The following SPARC variants were observed in gnomAD, a reference collection of about 807,000 sequenced individuals.
The protein encoded by SPARC is secreted protein acidic and cysteine rich, also known as basement-membrane protein 40.
In SPARC, 23 loss-of-function variants were observed where a neutral mutation model predicts 37.7. The observed-to-expected ratio is 0.61, with a 90% CI of 0.44 to 0.87. The LOEUF is 0.87. SPARC is among the 40% of genes least tolerant of loss of function. SPARC has a pLI of 0.00. For synonymous variants in SPARC, 155 were observed against 150.8 expected (o/e 1.03, Z -0.20); for missense variants, 312 against 389.0 (o/e 0.80, Z 1.66).
chr5:151,668,373 G>A (rs1760677212), intron 6 of SPARC, among the ~76,000 whole-genome samples: 1 of 152,070 alleles, frequency 6.6e-6, no homozygotes, highest in African/African-American at 2.4e-5. Flanking sequence ...GACTGGTCTC[G>A]AACTCCTGAG....
chr5:151,671,797 C>T (rs1029479289), intron 4 of SPARC, 103 bp from the exon 5 acceptor site: 1 of 1,513,848 alleles, frequency 6.6e-7, no homozygotes, highest in South Asian at 1.3e-5. Context: ...GACTGTGGCC[C>T]CCACTCTGGG....
intron 1 of SPARC, among the ~76,000 whole-genome samples, chr5:151,678,230 G>A (rs942314736): frequency 6.6e-6 from 1 of 152,172 alleles, no homozygotes; most frequent in Non-Finnish European, 1.5e-5. Context: ...AATGTAGTAA[G>A]CTTCAGATTA....
chr5:151,675,228 C>T lies in SPARC; in HGVS notation c.58-554G>A, dbSNP rs548594737. On this transcript the variant is annotated intron_variant, in intron 2 of 9. Transcript: ENST00000231061. The stretch of plus-strand genomic sequence containing the variant: ...TTTGAGAAACTTTTGCCTCCATCTA[C>T]CAGCCTGATCAAGATTGCCAGGGTC... 2.6e-4 allele frequency among the ~76,000 whole-genome samples: 40 copies of T among 152,302 alleles called. No homozygotes were observed. In the South Asian group the frequency reaches 8.1e-3, roughly 31 times the overall value.
intron 1 of SPARC, among the ~76,000 whole-genome samples, chr5:151,678,454 G>A (rs978543180): frequency 3.9e-5 from 6 of 152,164 alleles, no homozygotes; most frequent in African/African-American, 1.4e-4. Context: ...ATAACTCTAA[G>A]TCTTATAGTG....
At chr5:151,672,993 G>A (rs747344252) in intron 4 of SPARC, 136 bp downstream of exon 4, 53 of 706,364 alleles carry the variant, frequency 7.5e-5, no homozygotes, top group Non-Finnish European at 1.2e-4. Context: ...AGTCAAAGCC[G>A]TGTTTCCTTC....
chr5:151,668,306 C>T (rs1187180448), intron 6 of SPARC, among the ~76,000 whole-genome samples: 2 of 152,070 alleles, frequency 1.3e-5, no homozygotes, highest in Admixed American at 6.5e-5. Flanking sequence ...GCACATGCCA[C>T]CATACCCAGC....
Position 151,666,505 on chromosome 5 carries a change from T to C in SPARC, c.590A>G (p.Lys197Arg). ...GCGCTTCTCATTCTCATGGATCTTC[T>C]TCACCTGAGGGAGTAGAGACTGTGT... ...LLTEKQKLRVKKIHENEKRLE... is the reference protein window; with the variant it reads ...LLTEKQKLRVRKIHENEKRLE... The change falls in exon 8 of 10, where the codon AAG becomes AGG. Residue 197 changes from lysine (K) to arginine (R), a missense_variant. Physicochemically the swap from Lys to Arg is conservative, Grantham distance 26 (BLOSUM62 2). Coordinates refer to ENST00000231061, the MANE Select transcript of SPARC (RefSeq NM_003118.4). The C allele has an allele frequency of 6.2e-7, 1 of 1,613,932 alleles. No individual in the cohort carries two copies. Among genetic ancestry groups the C allele is most frequent in the Non-Finnish European group, 8.5e-7 (1 of 1,179,898 alleles).
rs973161844 is a variant in SPARC at position 151,662,791 on chromosome 5, CCT to C, written c.*778_*779del. The C allele has an allele frequency of 5.3e-5, 8 of 152,198 alleles. No homozygotes were observed. The highest frequency in any genetic ancestry group is 1.9e-4 in the African/African-American group (8 of 41,438). The allele number at this position is 152,198 out of a possible 1,614,324, so 9.4% of individuals were successfully genotyped here. ...AAACAGCCTGGCAGTCCCTAGAGCCCCTGAGAAGAGCCCTGGTTCTCCAAAAG... is the reference window on the plus strand; with the variant it reads ...AAACAGCCTGGCAGTCCCTAGAGCCCGAGAAGAGCCCTGGTTCTCCAAAAG... On this transcript the variant is annotated 3_prime_UTR_variant, in exon 10 of 10. Transcript: ENST00000231061.
rs77725277 is a variant in SPARC at position 151,675,810 on chromosome 5, A to C, written c.57+322T>G. 1.2e-3 allele frequency among the ~76,000 whole-genome samples: 180 copies of C among 152,164 alleles called. 2 individuals are homozygous for C. The East Asian group carries it at 0.029, about 24-fold the overall frequency. ...ACCACCCCTACCAGAAATCCCCCAC[A>C]TCCTGTCTCCTGCCTGCTTGAATTC... On this transcript the variant is annotated intron_variant, in intron 2 of 9. Coordinates refer to ENST00000231061, the MANE Select transcript of SPARC (RefSeq NM_003118.4).
intron 3 of SPARC, among the ~76,000 whole-genome samples, chr5:151,673,963 CCT>C (rs1283784369): frequency 1.6e-5 from 2 of 127,574 alleles, no homozygotes; most frequent in Non-Finnish European, 3.2e-5. Flanking sequence ...TCTCCCCTTT[CCT>C]CTGTGTGTGT....
At chr5:151,681,241 C>A (rs1309712723) in intron 1 of SPARC, among the ~76,000 whole-genome samples, 1 of 152,226 alleles carries the variant, frequency 6.6e-6, no homozygotes, top group African/African-American at 2.4e-5. Context: ...GGGGACCGAG[C>A]CAGGCAGGCC....
chr5:151,667,643 G>A (rs763214378), intron 6 of SPARC, 43 bp from the exon 7 acceptor site: 1 of 1,603,960 alleles, frequency 6.2e-7, no homozygotes, highest in Non-Finnish European at 8.5e-7. Context: ...ACCCTGCCTG[G>A]GCCGTGCTCC....
chr5:151,672,877 C>G (rs1334937596), intron 4 of SPARC: 14 of 501,848 alleles, frequency 2.8e-5, no homozygotes, highest in African/African-American at 1.9e-4. Flanking sequence ...GGGGAGAAGC[C>G]CATTTCCAGC....
intron 6 of SPARC, among the ~76,000 whole-genome samples, chr5:151,668,215 C>A (rs938633616): frequency 2.0e-5 from 3 of 150,264 alleles, no homozygotes; most frequent in Non-Finnish European, 4.4e-5. Flanking sequence ...TGCAGTGGCA[C>A]AATCACGGCT....
At position 151,661,660 on chromosome 5, in the gene SPARC, T is replaced by C. The variant is rs2113075320; in HGVS notation, c.*1911A>G. 6.6e-6 allele frequency: 1 copy of C among 152,310 alleles called. No homozygotes were observed. Among genetic ancestry groups the C allele is most frequent in the African/African-American group, 2.4e-5 (1 of 41,572 alleles). 9.4% of individuals were successfully genotyped at this position (152,310 alleles called of 1,614,324 possible). A position where few individuals can be genotyped will look rare whatever the true frequency, so the allele number is the denominator to read the frequency against. Reference sequence around the variant, plus strand: ...TGCATGAGCTTTGAAAAGTGCTCTGTAGTCTTATGATGATCTAGAAGAGCA... The same window carrying C: ...TGCATGAGCTTTGAAAAGTGCTCTGCAGTCTTATGATGATCTAGAAGAGCA... On this transcript the variant is annotated 3_prime_UTR_variant, in exon 10 of 10. Transcript: ENST00000231061.
At chr5:151,672,645 G>A (rs115338276) in intron 4 of SPARC, 1,768 of 166,890 alleles carry the variant, frequency 0.011, 35 homozygotes, top group African/African-American at 0.04. Context: ...AGCATGGTAC[G>A]GATTATGTCA....
chr5:151,670,140 G>T (rs1413958987), intron 5 of SPARC, among the ~76,000 whole-genome samples: 2 of 152,230 alleles, frequency 1.3e-5, no homozygotes, highest in African/African-American at 4.8e-5. Context: ...GCCTGGAATT[G>T]TTATCCTTAG....
chr5:151,666,530 T>C (rs1760625853), intron 7 of SPARC, 21 bp from the exon 8 acceptor site: 1 of 1,611,138 alleles, frequency 6.2e-7, no homozygotes, highest in African/African-American at 1.3e-5. Flanking sequence ...AGAGACTGTG[T>C]GTGACAAGAG....
At chr5:151,669,577 C>T in intron 6 of SPARC, 87 bp downstream of exon 6, 2 of 1,471,270 alleles carry the variant, frequency 1.4e-6, no homozygotes, top group African/African-American at 1.4e-5. Flanking sequence ...CAAGATCACC[C>T]AGCATGGGGG....
Sources: allele counts gnomAD v4.1 joint callset (sites outside exome capture counted in the v4.1 genomes callset), GRCh38; gene constraint gnomAD v4.1.1; transcripts MANE v1.5; gene names NCBI Gene and HGNC (gene_info 2026-07-23, HGNC 2026-07-21).